WNT4: variants seen among roughly 807,000 people sequenced by gnomAD.
The protein encoded by WNT4 is Wnt family member 4.
A neutral mutation model predicts 34.5 loss-of-function variants in WNT4; 16 were observed. The observed-to-expected ratio is 0.46, with a 90% CI of 0.31 to 0.70. The LOEUF is 0.70. Ranked by LOEUF, WNT4 falls within the 30% of genes least tolerant of loss-of-function variation. The pLI is 0.04. For missense variants in WNT4, 379 were observed against 495.9 expected, an observed-to-expected ratio of 0.76 and a Z score of 2.24; for synonymous variants, 200 against 211.9, an observed-to-expected ratio of 0.94 and a Z score of 0.49.
At chr1:22,133,549 G>A (rs983712574) in intron 1 of WNT4, among the ~76,000 whole-genome samples, 5 of 152,228 alleles carry the variant, frequency 3.3e-5, no homozygotes, top group Admixed American at 6.5e-5. Flanking sequence ...TGGGTGGGCC[G>A]GGCCAGGCTG....
chr1:22,120,046 G>T lies in WNT4; in HGVS notation c.*4C>A. ...TGGTTGCCGGCGCAGGGCTAGGCAG[G>T]CGGTCATCGGCACGTGTGCAACTCC... On this transcript the variant is annotated 3_prime_UTR_variant, in exon 5 of 5. Transcript: ENST00000290167. The T allele has an allele frequency of 6.2e-7, 1 of 1,606,072 alleles. No individual in the cohort carries two copies. The highest frequency in any genetic ancestry group is 8.5e-7 in the Non-Finnish European group (1 of 1,179,600).
rs774913687 is a variant in WNT4 at position 22,120,424 on chromosome 1, G to A, written c.682C>T (p.Arg228Cys). The A allele has an allele frequency of 2.1e-5, 34 of 1,613,702 alleles. No homozygotes were observed. Among genetic ancestry groups the A allele is most frequent in the Non-Finnish European group, 2.7e-5 (32 of 1,179,862 alleles). ...KTCWRAVPPF[R>C]QVGHALKEKF... ...TCCTTCAGTGCGTGACCCACCTGGC[G>A]GAAGGGCGGCACGGCTCGCCAGCAC... Residue 228 changes from arginine to cysteine, a missense_variant, in exon 5 of 5, where the codon CGC becomes TGC. Physicochemically the swap from Arg to Cys is radical, Grantham distance 180. Transcript: ENST00000290167.
At position 22,140,118 on chromosome 1, in the gene WNT4, G is replaced by A. The variant is rs1234060132; in HGVS notation, c.77+2728C>T. 1.1e-6 allele frequency: 1 copy of A among 938,842 alleles called. No homozygotes were observed. Among genetic ancestry groups the A allele is most frequent in the Non-Finnish European group, 1.3e-6 (1 of 787,592 alleles). 58.2% of individuals were successfully genotyped at this position (938,842 alleles called of 1,614,324 possible). A position where few individuals can be genotyped will look rare whatever the true frequency, so the allele number is the denominator to read the frequency against. On this transcript the variant is annotated intron_variant, in intron 1 of 4. Coordinates refer to ENST00000290167, the MANE Select transcript of WNT4 (RefSeq NM_030761.5). The surrounding 1 kb of genome is among the most constrained non-coding windows in gnomAD (Gnocchi z 5.9). The stretch of plus-strand genomic sequence containing the variant: ...ACCCACCCTGGACTCCAGGGTATTG[G>A]GAGGCGAGCGGAACCTAGACCTTGC...
chr1:22,129,563 C>T, intron 2 of WNT4, 53 bp downstream of exon 2: 1 of 1,570,500 alleles, frequency 6.4e-7, no homozygotes, highest in Non-Finnish European at 8.7e-7. Flanking sequence ...TCCTGCTGGG[C>T]CCATGCCCTG....
chr1:22,127,318 C>T (rs1254883041), intron 2 of WNT4: 2 of 530,360 alleles, frequency 3.8e-6, no homozygotes, highest in Non-Finnish European at 7.7e-6. Context: ...GGTTCCTCCC[C>T]CAAAGGTAAG....
In WNT4 at chr1:22,129,637, A is replaced by T; in HGVS notation, c.292T>A (p.Phe98Ile). The change falls in exon 2 of 5, where the codon TTC becomes ATC. Residue 98 changes from phenylalanine (F) to isoleucine (I), a missense_variant. This residue lies in a region of WNT4 where 313 missense variants were observed against 445.8 expected (regional missense o/e 0.70). Coordinates refer to ENST00000290167, the MANE Select transcript of WNT4 (RefSeq NM_030761.5). ...TCACCTTGCGTCACCACCTTGCCGA[A>T]GACGGGCAAGGAGTCGAGTGTGGAG... The part of the protein sequence containing the change: ...NCSTLDSLPV[F>I]GKVVTQGTRE... 1.2e-6 allele frequency: 2 copies of T among 1,613,566 alleles called. No homozygotes were observed. The highest frequency in any genetic ancestry group is 1.7e-6 in the Non-Finnish European group (2 of 1,179,978).
At chr1:22,131,820 C>G (rs1472162501) in intron 1 of WNT4, among the ~76,000 whole-genome samples, 1 of 152,196 alleles carries the variant, frequency 6.6e-6, no homozygotes, top group Non-Finnish European at 1.5e-5. Context: ...CCAGGGGCCT[C>G]CCCGCCCCTC....
At position 22,143,004 on chromosome 1, in the gene WNT4, G is replaced by T; in HGVS notation, c.-82C>A. On this transcript the variant is annotated 5_prime_UTR_variant, in exon 1 of 5. Transcript: ENST00000290167. Reference sequence around the variant, plus strand: ...GTCGGGGCTGCAGGTGGGCGCCCGCGGGCGGGCCGGGGCGCGCGCGGCGGG... The same window carrying T: ...GTCGGGGCTGCAGGTGGGCGCCCGCTGGCGGGCCGGGGCGCGCGCGGCGGG... 3.0e-6 allele frequency: 2 copies of T among 669,988 alleles called. No homozygotes were observed. The highest frequency in any genetic ancestry group is 6.5e-5 in the South Asian group (1 of 15,440). The allele number at this position is 669,988 out of a possible 1,614,324, so 41.5% of individuals were successfully genotyped here.
chr1:22,130,478 G>T lies in WNT4; in HGVS notation c.78-627C>A, dbSNP rs373351368. ...GGTGGCGAGAGTGGGCTGTGTGGAC[G>T]CTTCAAAAGCCAAGTGCAGCATGCT... On this transcript the variant is annotated intron_variant, in intron 1 of 4. Transcript: ENST00000290167. Among the ~76,000 whole-genome samples the T allele has an allele frequency of 4.5e-4, 68 of 152,364 alleles. No homozygotes were observed. The East Asian group carries it at 0.011, about 25-fold the overall frequency.
At chr1:22,130,894 T>C (rs939327968) in intron 1 of WNT4, among the ~76,000 whole-genome samples, 15 of 152,274 alleles carry the variant, frequency 9.9e-5, no homozygotes, top group African/African-American at 2.4e-4. Flanking sequence ...AAGAAACTTA[T>C]GGAAGTTCCA....
Position 22,131,904 on chromosome 1 carries a change from G to A in WNT4, c.78-2053C>T, listed in dbSNP as rs111961304. On this transcript the variant is annotated intron_variant, in intron 1 of 4. Transcript: ENST00000290167. ...CCTGACAAGGCCCAGGCAGGAGCTC[G>A]GAGCCCCTTGGAGGGAAGACAAGGG... Among the ~76,000 whole-genome samples, 420 of 152,308 alleles carry A rather than the reference G, an allele frequency of 2.8e-3. 1 individual carries two copies. Among genetic ancestry groups the A allele is most frequent in the Middle Eastern group, 0.01 (3 of 294 alleles).
Position 22,121,434 on chromosome 1 carries a change from C to T in WNT4, c.445+11G>A. On this transcript the variant is annotated intron_variant, in intron 3 of 4. Coordinates refer to ENST00000290167, the MANE Select transcript of WNT4 (RefSeq NM_030761.5). ...CCCTGCCCTCCCACTCTGACCACCT[C>T]CTGCACCTACCCTGTGGGCTGACCC... The T allele has an allele frequency of 1.9e-6, 3 of 1,613,986 alleles. No individual in the cohort carries two copies. Among genetic ancestry groups the T allele is most frequent in the South Asian group, 1.1e-5 (1 of 91,090 alleles).
chr1:22,121,481 C>T lies in WNT4; in HGVS notation c.409G>A (p.Gly137Ser), dbSNP rs767893257. ...ACCCCATGCACTGTCCTGTCACAGC[C>T]GCACTTCTCCAGCTCCCCACTGCTG... ...ACSSGELEKC[G>S]CDRTVHGVSP... The change falls in exon 3 of 5, where the codon GGC (glycine) becomes AGC (serine). Residue 137 changes from glycine (G) to serine (S), a missense_variant. By Grantham distance (56) the Gly-to-Ser change is moderately conservative. This residue lies in a region of WNT4 where 313 missense variants were observed against 445.8 expected (regional missense o/e 0.70). Coordinates refer to ENST00000290167, the MANE Select transcript of WNT4 (RefSeq NM_030761.5). 27 of 1,614,012 alleles carry T rather than the reference C, an allele frequency of 1.7e-5. No individual in the cohort carries two copies. Among genetic ancestry groups the T allele is most frequent in the South Asian group, 2.2e-5 (2 of 91,084 alleles).
intron 2 of WNT4, among the ~76,000 whole-genome samples, chr1:22,128,955 C>CAGGATGGTGTTACCCAGG (rs1184791034): frequency 6.6e-6 from 1 of 152,040 alleles, no homozygotes; most frequent in East Asian, 1.9e-4. Context: ...CTCCTGACCT[C>CAGGATGGTGTTACCCAGG]ATGATCCGCC....
At position 22,120,215 on chromosome 1, in the gene WNT4, G is replaced by A; in HGVS notation, c.891C>T (p.Asn297=). ...GVLGTRGRTC[N]KTSKAIDGCE... ...AGCCGTCGATGGCCTTGGACGTCTT[G>A]TTGCATGTGCGGCCCCTCGTGCCCA... Residue 297 remains asparagine (N), a synonymous_variant, in exon 5 of 5, where the codon AAC becomes AAT. Transcript: ENST00000290167. The A allele has an allele frequency of 6.2e-7, 1 of 1,614,050 alleles. No homozygotes were observed. The highest frequency in any genetic ancestry group is 1.3e-5 in the African/African-American group (1 of 75,076).
chr1:22,139,761 G>A lies in WNT4; in HGVS notation c.77+3085C>T, dbSNP rs1221328810. Among the ~76,000 whole-genome samples the A allele has an allele frequency of 6.6e-6, 1 of 152,166 alleles. No homozygotes were observed. The highest frequency in any genetic ancestry group is 2.4e-5 in the African/African-American group (1 of 41,436). On this transcript the variant is annotated intron_variant, in intron 1 of 4. Coordinates refer to ENST00000290167, the MANE Select transcript of WNT4 (RefSeq NM_030761.5). The surrounding 1 kb of genome is among the most constrained non-coding windows in gnomAD (Gnocchi z 4.6). ...GTACAGCCTCAGTGCAGGGAAGAGG[G>A]GACATTAGAAACATTTCTGAGCTCA...
At chr1:22,136,023 C>T (rs1570112861) in intron 1 of WNT4, among the ~76,000 whole-genome samples, 2 of 152,270 alleles carry the variant, frequency 1.3e-5, no homozygotes, top group South Asian at 4.1e-4. Context: ...GGTACCCTAG[C>T]CCCCTACATT....
chr1:22,132,709 T>C (rs1645993576), intron 1 of WNT4, among the ~76,000 whole-genome samples: 1 of 152,172 alleles, frequency 6.6e-6, no homozygotes, highest in Non-Finnish European at 1.5e-5. Flanking sequence ...TGGGCTGCCG[T>C]GGCCGTGAGT....
At position 22,119,923 on chromosome 1, in the gene WNT4, G is replaced by A; in HGVS notation, c.*127C>T. On this transcript the variant is annotated 3_prime_UTR_variant, in exon 5 of 5. Transcript: ENST00000290167. ...TGGTTTCGGCAATAAATAACATGAG[G>A]ACCCAAAAACCAAACCAGAACAAAA... The A allele has an allele frequency of 8.3e-7, 1 of 1,202,438 alleles. No individual in the cohort carries two copies. The highest frequency in any genetic ancestry group is 1.2e-6 in the Non-Finnish European group (1 of 861,932). The allele number at this position is 1,202,438 out of a possible 1,614,324, so 74.5% of individuals were successfully genotyped here. A position where few individuals can be genotyped will look rare whatever the true frequency, so the allele number is the denominator to read the frequency against.
Sources: allele counts gnomAD v4.1 joint callset (sites outside exome capture counted in the v4.1 genomes callset), GRCh38; gene constraint gnomAD v4.1.1; regional missense constraint gnomAD v4.1.1; non-coding constraint Gnocchi (gnomAD v3.1); transcripts MANE v1.5; gene names NCBI Gene and HGNC (gene_info 2026-07-23, HGNC 2026-07-21).